Variants in ZP2 observed in about 807,000 individuals in gnomAD.
ZP2 encodes the protein zona pellucida glycoprotein 2.
A neutral mutation model predicts 84.0 loss-of-function variants in ZP2; 51 were observed. That is an observed-to-expected ratio of 0.61 (90% CI 0.49 to 0.77). The LOEUF is 0.77. Among genes scored for constraint, ZP2 ranks in the 30% least tolerant of loss-of-function variants. ZP2 has a pLI of 0.00. For missense variants in ZP2, 909 were observed against 911.9 expected (o/e 1.00, Z 0.04); for synonymous variants, 375 against 330.9 (o/e 1.13, Z -1.45).
At position 21,203,187 on chromosome 16, in the gene ZP2, C is replaced by A. The variant is rs202065210; in HGVS notation, c.1037G>T (p.Arg346Leu). The A allele has an allele frequency of 1.4e-5, 23 of 1,613,766 alleles. No individual in the cohort carries two copies. Among genetic ancestry groups the A allele is most frequent in the African/African-American group, 5.3e-5 (4 of 74,952 alleles). The change falls in exon 10 of 19, where the codon CGG becomes CTG. Residue 346 changes from arginine (R) to leucine (L), a missense_variant. By Grantham distance (102) the Arg-to-Leu change is moderately radical. Coordinates refer to ENST00000574091, the MANE Select transcript of ZP2 (RefSeq NM_001376232.1). ...LASLKLTFLL[R>L]PETVSMVIYP... Reference sequence around the variant, plus strand: ...GATCACCATGGATACTGTCTCTGGCCGAAGGAGAAAGGTCAGCTTGAGTGA... The same window carrying A: ...GATCACCATGGATACTGTCTCTGGCAGAAGGAGAAAGGTCAGCTTGAGTGA...
In ZP2 at chr16:21,204,159, AG is replaced by A. The variant is rs1337648274; in HGVS notation, c.842del (p.Pro281LeufsTer7). On this transcript the variant is annotated frameshift_variant, in exon 9 of 19. Transcript: ENST00000574091. LOFTEE classifies it high-confidence loss of function. ...THMTLTIPEFPGKLKSVSFEN... is the reference protein window; with the variant it reads ...THMTLTIPEFXGKLKSVSFEN... ...CAAAGCTCACAGACTTAAGCTTCCC[AG>A]GAAACTCTGGTATGGTGAGAGTCAT... is the stretch of plus-strand genomic sequence containing the variant. 6.2e-7 allele frequency: 1 copy of A among 1,614,058 alleles called. No individual in the cohort carries two copies. Among genetic ancestry groups the A allele is most frequent in the Non-Finnish European group, 8.5e-7 (1 of 1,180,028 alleles).
chr16:21,204,954 A>C lies in ZP2; in HGVS notation c.693+466T>G, dbSNP rs147270549. Among the ~76,000 whole-genome samples the C allele has an allele frequency of 4.6e-5, 7 of 152,354 alleles. No homozygotes were observed. The East Asian group carries it at 1.3e-3, about 29-fold the overall frequency. On this transcript the variant is annotated intron_variant, in intron 7 of 18. Coordinates refer to ENST00000574091, the MANE Select transcript of ZP2 (RefSeq NM_001376232.1). ...TTGTTCTGTGTTGTACTATAGATTT[A>C]AGACTATGGGAAAGAGACTAGATTG...
chr16:21,204,560 G>A (rs1417988327), intron 7 of ZP2, among the ~76,000 whole-genome samples, 156 bp from the exon 8 acceptor site: 1 of 152,182 alleles, frequency 6.6e-6, no homozygotes, highest in African/African-American at 2.4e-5. Flanking sequence ...GTCTAATCTG[G>A]AGGTATATTA....
At position 21,209,662 on chromosome 16, in the gene ZP2, C is replaced by T. The variant is rs1453698730; in HGVS notation, c.299G>A (p.Arg100Lys). ...YILDPEKLTL[R>K]ATYDNCTRRV... ...CCTGGTACAGTTATCATAGGTAGCC[C>T]TCAGGGTGAGCTTTTCTGGGTCCAG... The change falls in exon 4 of 19, where the codon AGG becomes AAG. Residue 100 changes from arginine to lysine, a missense_variant. Arg to Lys is a conservative substitution (Grantham distance 26, BLOSUM62 2). Coordinates refer to ENST00000574091, the MANE Select transcript of ZP2 (RefSeq NM_001376232.1). 2.5e-6 allele frequency: 4 copies of T among 1,614,140 alleles called. No individual in the cohort carries two copies. The highest frequency in any genetic ancestry group is 3.4e-6 in the Non-Finnish European group (4 of 1,180,010).
In ZP2 at chr16:21,199,907, C is replaced by T. The variant is rs201881133; in HGVS notation, c.1695-29G>A. 5 of 1,610,418 alleles carry T rather than the reference C, an allele frequency of 3.1e-6. No individual in the cohort carries two copies. In the Admixed American group the frequency reaches 6.7e-5, roughly 21 times the overall value. On this transcript the variant is annotated intron_variant, in intron 14 of 18. Coordinates refer to ENST00000574091, the MANE Select transcript of ZP2 (RefSeq NM_001376232.1). The stretch of plus-strand genomic sequence containing the variant: ...GGAGGTATGCACCAGGGAGGGATGT[C>T]AGTCATATGCATCTTGGAGTCAAAT...
In ZP2 at chr16:21,204,226, A is replaced by G; in HGVS notation, c.791-15T>C. 3 of 1,614,096 alleles carry G rather than the reference A, an allele frequency of 1.9e-6. No individual in the cohort carries two copies. The highest frequency in any genetic ancestry group is 2.5e-6 in the Non-Finnish European group (3 of 1,179,986). Reference sequence around the variant, plus strand: ...GGTCACAGGATCTAGAAGGAATGACAACAGAATGCCCATTACCAGCCTTGA... The same window carrying G: ...GGTCACAGGATCTAGAAGGAATGACGACAGAATGCCCATTACCAGCCTTGA... On this transcript the variant is annotated splice_polypyrimidine_tract_variant and intron_variant, in intron 8 of 18. Coordinates refer to ENST00000574091, the MANE Select transcript of ZP2 (RefSeq NM_001376232.1).
Position 21,211,403 on chromosome 16 carries a change from G to A in ZP2, c.63-8C>T. ...GAAATCGACCTGTAGGTGCTGGAAAGAGACAGGGAGATAGTCAAGGAAGAA... is the reference window on the plus strand; with the variant it reads ...GAAATCGACCTGTAGGTGCTGGAAAAAGACAGGGAGATAGTCAAGGAAGAA... On this transcript the variant is annotated splice_polypyrimidine_tract_variant and splice_region_variant and intron_variant, in intron 1 of 18. Coordinates refer to ENST00000574091, the MANE Select transcript of ZP2 (RefSeq NM_001376232.1). 1 of 1,614,178 alleles carries A rather than the reference G, an allele frequency of 6.2e-7. No homozygotes were observed. The highest frequency in any genetic ancestry group is 8.5e-7 in the Non-Finnish European group (1 of 1,180,018).
At chr16:21,197,667 G>GT in intron 18 of ZP2, 45 bp from the exon 19 acceptor site, 1 of 1,613,478 alleles carries the variant, frequency 6.2e-7, no homozygotes, top group Non-Finnish European at 8.5e-7. Flanking sequence ...TTTTAAATAA[G>GT]GGTAAGTGGA....
chr16:21,210,630 A>C (rs565500449), intron 2 of ZP2, among the ~76,000 whole-genome samples: 2 of 152,140 alleles, frequency 1.3e-5, no homozygotes, highest in Non-Finnish European at 2.9e-5. Flanking sequence ...GCTGGAGTGC[A>C]GTGGCACGAT....
chr16:21,201,028 G>C (rs2093222417), intron 14 of ZP2, among the ~76,000 whole-genome samples: 1 of 152,080 alleles, frequency 6.6e-6, no homozygotes. Flanking sequence ...GCAAAACCCT[G>C]TCTCTACTAA....
In ZP2 at chr16:21,201,697, A is replaced by G. The variant is rs144867531; in HGVS notation, c.1504+9T>C. ...CATTTAAGCAATTTCACAGACTGCA[A>G]TCTCTTACCTGGGTAGCTTTGCAGG... On this transcript the variant is annotated intron_variant, in intron 13 of 18. Coordinates refer to ENST00000574091, the MANE Select transcript of ZP2 (RefSeq NM_001376232.1). 3.9e-4 allele frequency: 624 copies of G among 1,614,074 alleles called. 5 individuals are homozygous for G. In the African/African-American group the frequency reaches 7.2e-3, roughly 19 times the overall value.
chr16:21,211,684 G>C, upstream of ZP2: 1 of 1,558,530 alleles, frequency 6.4e-7, no homozygotes. Flanking sequence ...TGAAACGGAA[G>C]GATTGGGGAA....
chr16:21,199,556 T>C lies in ZP2; in HGVS notation c.1927+14A>G. ...TGAATTAGACTCACAGAAACAGGAA[T>C]TTGAAGTTTTTACCTCGCCTGTGCC... On this transcript the variant is annotated intron_variant, in intron 16 of 18. Coordinates refer to ENST00000574091, the MANE Select transcript of ZP2 (RefSeq NM_001376232.1). 2 of 1,560,024 alleles carry C rather than the reference T, an allele frequency of 1.3e-6. No homozygotes were observed. The highest frequency in any genetic ancestry group is 1.7e-6 in the Non-Finnish European group (2 of 1,158,496).
chr16:21,213,191 C>A (rs1033279118), upstream of ZP2, among the ~76,000 whole-genome samples: 1 of 151,892 alleles, frequency 6.6e-6, no homozygotes, highest in Non-Finnish European at 1.5e-5. Flanking sequence ...ATTACAGGCG[C>A]CCACCACCAA....
Position 21,201,971 on chromosome 16 carries a change from T to C in ZP2, c.1340A>G (p.Asp447Gly). 6.2e-7 allele frequency: 1 copy of C among 1,614,082 alleles called. No individual in the cohort carries two copies. Among genetic ancestry groups the C allele is most frequent in the Non-Finnish European group, 8.5e-7 (1 of 1,179,990 alleles). ...YENEIHALWTDFPPSKISRDS... is the reference protein window; with the variant it reads ...YENEIHALWTGFPPSKISRDS... ...TCTAGATATTTTGCTTGGAGGAAAA[T>C]CCGTCCAGAGAGCATGTATTTCGTT... The change falls in exon 12 of 19, where the codon GAT becomes GGT. Residue 447 changes from aspartate (D) to glycine (G), a missense_variant. Transcript: ENST00000574091.
Position 21,203,197 on chromosome 16 carries a change from A to G in ZP2, c.1027T>C (p.Phe343Leu). ...GATACTGTCTCTGGCCGAAGGAGAA[A>G]GGTCAGCTTGAGTGAAGCTAAGTAG... ...QFYLASLKLTFLLRPETVSMV... is the reference protein window; with the variant it reads ...QFYLASLKLTLLLRPETVSMV... Residue 343 changes from phenylalanine to leucine, a missense_variant, in exon 10 of 19, where the codon TTT becomes CTT. Phe to Leu is a conservative substitution (Grantham distance 22, BLOSUM62 0). Coordinates refer to ENST00000574091, the MANE Select transcript of ZP2 (RefSeq NM_001376232.1). 1 of 1,613,994 alleles carries G rather than the reference A, an allele frequency of 6.2e-7. No homozygotes were observed. Among genetic ancestry groups the G allele is most frequent in the Non-Finnish European group, 8.5e-7 (1 of 1,179,916 alleles).
At chr16:21,207,354 G>T (rs183703198) in intron 4 of ZP2, among the ~76,000 whole-genome samples, 1 of 152,246 alleles carries the variant, frequency 6.6e-6, no homozygotes, top group Non-Finnish European at 1.5e-5. Context: ...AGCTACCCTT[G>T]CTATTACCCC....
intron 7 of ZP2, among the ~76,000 whole-genome samples, chr16:21,205,000 T>C (rs977400156): frequency 1.3e-5 from 2 of 152,226 alleles, no homozygotes; most frequent in Non-Finnish European, 2.9e-5. Context: ...TATGTATTTT[T>C]GAGAAATGGT....
intron 14 of ZP2, 113 bp from the exon 15 acceptor site, chr16:21,199,991 C>G (rs1363825699): frequency 7.4e-7 from 1 of 1,345,304 alleles, no homozygotes; most frequent in Non-Finnish European, 1.0e-6. Context: ...CCATATTTAC[C>G]TTCTACCAGC....
Sources: gnomAD v4.1 joint callset for allele counts (sites outside exome capture counted in the v4.1 genomes callset) on GRCh38, gnomAD v4.1.1 for gene constraint, MANE v1.5 for transcripts, NCBI Gene and HGNC (gene_info 2026-07-23, HGNC 2026-07-21) for gene names.